Variants in ADGRB3 observed in about 807,000 individuals in gnomAD.
ADGRB3 encodes adhesion G protein-coupled receptor B3.
ADGRB3 carries 37 observed loss-of-function variants against 193.4 expected under a neutral mutation model. The ratio of observed to expected loss-of-function variants is 0.19; its 90% CI spans 0.15 to 0.25. The LOEUF (loss-of-function observed/expected upper bound fraction) is 0.25, where lower values mean the gene tolerates loss of function less well. ADGRB3 is among the 10% of genes least tolerant of loss of function. The pLI is 1.00. For missense variants in ADGRB3, 1,637 were observed against 1,852.9 expected, an observed-to-expected ratio of 0.88 and a Z score of 2.14; for synonymous variants, 690 against 644.2, an observed-to-expected ratio of 1.07 and a Z score of -1.08.
intron 10 of ADGRB3, among the ~76,000 whole-genome samples, chr6:68,977,600 A>C (rs1437953780): frequency 1.3e-5 from 2 of 152,174 alleles, no homozygotes; most frequent in African/African-American, 4.8e-5. Flanking sequence ...TCAAAGTGTG[A>C]ATCCTGTTGA....
At chr6:69,143,948 C>A (rs573007023) in intron 17 of ADGRB3, among the ~76,000 whole-genome samples, 3 of 152,212 alleles carry the variant, frequency 2.0e-5, no homozygotes, top group Admixed American at 6.5e-5. Context: ...ATGGATTGCA[C>A]TGAATTTGTA....
At chr6:69,156,246 A>G (rs141846453) in intron 17 of ADGRB3, among the ~76,000 whole-genome samples, 1 of 152,332 alleles carries the variant, frequency 6.6e-6, no homozygotes, top group African/African-American at 2.4e-5. Flanking sequence ...TGGTTAAATT[A>G]TGTGAAGGAA....
chr6:68,769,501 A>T (rs1028865011), intron 3 of ADGRB3, among the ~76,000 whole-genome samples: 6 of 152,132 alleles, frequency 3.9e-5, no homozygotes, highest in Non-Finnish European at 8.8e-5. Context: ...GAACACATGG[A>T]CACAGGGAGG....
At chr6:69,060,239 T>A (rs1168160489) in intron 15 of ADGRB3, among the ~76,000 whole-genome samples, 1 of 151,394 alleles carries the variant, frequency 6.6e-6, no homozygotes, top group Non-Finnish European at 1.5e-5. Flanking sequence ...TCTCTCTCTC[T>A]CTCTCTCTCT....
intron 20 of ADGRB3, among the ~76,000 whole-genome samples, chr6:69,314,903 AT>A (rs565827813): frequency 9.5e-4 from 144 of 151,544 alleles, no homozygotes; most frequent in African/African-American, 2.8e-3. Context: ...TTAGTGACTC[AT>A]TTCATTAGTT....
At chr6:69,354,461 A>G (rs1044520942) in intron 27 of ADGRB3, 133 bp downstream of exon 27, 10 of 703,572 alleles carry the variant, frequency 1.4e-5, no homozygotes, top group African/African-American at 8.9e-5. Flanking sequence ...ATAGACTGTG[A>G]ACTCTGGTAC....
chr6:68,932,302 A>C (rs1417279877), intron 4 of ADGRB3, among the ~76,000 whole-genome samples: 3 of 152,192 alleles, frequency 2.0e-5, no homozygotes, highest in Non-Finnish European at 4.4e-5. Context: ...TGATTAGTTT[A>C]TGTGTAAATA....
chr6:68,902,405 T>A (rs910129078), intron 3 of ADGRB3, among the ~76,000 whole-genome samples: 2 of 152,072 alleles, frequency 1.3e-5, no homozygotes, highest in Non-Finnish European at 2.9e-5. Context: ...TATCTTTCAT[T>A]ACGCAAGAAA....
At chr6:68,662,511 T>C (rs1234910123) in intron 3 of ADGRB3, among the ~76,000 whole-genome samples, 1 of 151,536 alleles carries the variant, frequency 6.6e-6, no homozygotes, top group Admixed American at 6.6e-5. Flanking sequence ...TGGTCACAGG[T>C]CATGCGTTTT....
At chr6:68,923,704 T>A (rs1045596103) in intron 3 of ADGRB3, among the ~76,000 whole-genome samples, 2 of 152,088 alleles carry the variant, frequency 1.3e-5, no homozygotes, top group African/African-American at 2.4e-5. Flanking sequence ...AGTACAATAC[T>A]GGACTTTTAA....
chr6:69,216,866 TAA>T (rs1437056830), intron 17 of ADGRB3, among the ~76,000 whole-genome samples: 2 of 152,080 alleles, frequency 1.3e-5, no homozygotes, highest in African/African-American at 2.4e-5. Flanking sequence ...TCAATCTGGA[TAA>T]AGAGAGGAAC....
intron 3 of ADGRB3, among the ~76,000 whole-genome samples, chr6:68,812,320 G>C (rs919348719): frequency 5.8e-5 from 6 of 103,942 alleles, no homozygotes; most frequent in Non-Finnish European, 7.7e-5. Flanking sequence ...ATTAAGGATA[G>C]TTTAATATAT....
At chr6:69,038,744 T>C (rs1770946539) in intron 13 of ADGRB3, among the ~76,000 whole-genome samples, 1 of 152,188 alleles carries the variant, frequency 6.6e-6, no homozygotes, top group African/African-American at 2.4e-5. Context: ...ATTCAATAGA[T>C]AACAAAATAA....
At chr6:69,257,093 G>T (rs931979422) in intron 20 of ADGRB3, among the ~76,000 whole-genome samples, 1 of 152,102 alleles carries the variant, frequency 6.6e-6, no homozygotes, top group Admixed American at 6.5e-5. Flanking sequence ...TGTGCTGCTG[G>T]ATTCGGTTTG....
chr6:68,858,443 G>T (rs1012508674), intron 3 of ADGRB3, among the ~76,000 whole-genome samples: 1 of 149,068 alleles, frequency 6.7e-6, no homozygotes, highest in Non-Finnish European at 1.5e-5. Flanking sequence ...GGTGGAGGTT[G>T]CAGTGAGCTG....
chr6:69,206,050 T>TATATATATATAC (rs1235759153), intron 17 of ADGRB3, among the ~76,000 whole-genome samples: 14 of 74,418 alleles, frequency 1.9e-4, no homozygotes, highest in African/African-American at 8.0e-4. Flanking sequence ...TAATGGTATA[T>TATATATATATAC]ATATATATAT....
intron 3 of ADGRB3, among the ~76,000 whole-genome samples, chr6:68,826,992 C>G (rs1216693566): frequency 6.6e-6 from 1 of 152,046 alleles, no homozygotes; most frequent in African/African-American, 2.4e-5. Context: ...CAAGGGAGGG[C>G]AGGACTGGAG....
intron 3 of ADGRB3, among the ~76,000 whole-genome samples, chr6:68,688,006 A>G (rs1765012710): frequency 6.6e-6 from 1 of 152,332 alleles, no homozygotes; most frequent in Middle Eastern, 3.4e-3. Flanking sequence ...AGAGAGAAAT[A>G]TAATGTTATC....
chr6:68,884,221 A>G (rs1562070721), intron 3 of ADGRB3, among the ~76,000 whole-genome samples: 2 of 152,162 alleles, frequency 1.3e-5, no homozygotes, highest in Non-Finnish European at 2.9e-5. Flanking sequence ...CTTTATGAGC[A>G]CTTCGTTCAT....
Sources: gnomAD v4.1 joint callset for allele counts (sites outside exome capture counted in the v4.1 genomes callset) on GRCh38, gnomAD v4.1.1 for gene constraint, MANE v1.5 for transcripts, NCBI Gene and HGNC (gene_info 2026-07-23, HGNC 2026-07-21) for gene names.